Variants in KRT6C observed in about 807,000 individuals in gnomAD.
The protein encoded by KRT6C is keratin, type II cytoskeletal 6C.
KRT6C carries 46 observed loss-of-function variants against 49.4 expected under a neutral mutation model. The ratio of observed to expected loss-of-function variants is 0.93; its 90% confidence interval spans 0.74 to 1.19. The LOEUF is 1.19. Among genes scored for constraint, KRT6C ranks in the 50% most tolerant of loss-of-function variants. KRT6C has a pLI of 0.00. For missense variants in KRT6C, 552 were observed against 737.5 expected (o/e 0.75, Z 2.91); for synonymous variants, 236 against 297.1 (o/e 0.79, Z 2.12).
At chr12:52,470,966 G>A (rs1439272631) in intron 5 of KRT6C, among the ~76,000 whole-genome samples, 166 bp downstream of exon 5, 1 of 152,160 alleles carries the variant, frequency 6.6e-6, no homozygotes, top group Admixed American at 6.5e-5. Context: ...TTTCCTCCTT[G>A]ACTTGCACAT....
chr12:52,469,479 A>G, intron 7 of KRT6C, 34 bp from the exon 8 acceptor site: 2 of 1,613,964 alleles, frequency 1.2e-6, no homozygotes, highest in East Asian at 2.2e-5. Flanking sequence ...GTGAGACCTC[A>G]GAGAGCTCTT....
In KRT6C at chr12:52,468,655, T is replaced by C. The variant is rs544411391; in HGVS notation, c.*407A>G. The C allele has an allele frequency of 3.8e-5, 10 of 261,884 alleles. 1 individual carries two copies. The South Asian group carries it at 5.5e-4, about 14-fold the overall frequency. The allele number at this position is 261,884 out of a possible 1,614,324, so 16.2% of individuals were successfully genotyped here. A position where few individuals can be genotyped will look rare whatever the true frequency, so the allele number is the denominator to read the frequency against. On this transcript the variant is annotated 3_prime_UTR_variant, in exon 9 of 9. Transcript: ENST00000252250. Reference sequence around the variant, plus strand: ...TGCGGGGCGGGGGTTCACAATACTTTTAACTTAGGGAGTTTGGGGGCCAAT... The same window carrying C: ...TGCGGGGCGGGGGTTCACAATACTTCTAACTTAGGGAGTTTGGGGGCCAAT...
rs1565808333 is a variant in KRT6C at position 52,470,519 on chromosome 12, G to A, written c.1189C>T (p.His397Tyr). 6.2e-7 allele frequency: 1 copy of A among 1,614,094 alleles called. No homozygotes were observed. Among genetic ancestry groups the A allele is most frequent in the South Asian group, 1.1e-5 (1 of 91,076 alleles). Residue 397 changes from histidine to tyrosine, a missense_variant, in exon 6 of 9, where the codon CAT (histidine) becomes TAT (tyrosine). His to Tyr is a moderately conservative substitution (Grantham distance 83, BLOSUM62 2). This residue lies in a region of KRT6C where 425 missense variants were observed against 439.4 expected (regional missense o/e 0.97). Transcript: ENST00000252250. Reference sequence around the variant, plus strand: ...CCTCACTGTACCTGCTTCTTGACATGGTCGATCTCAGATCTCAGCCTCTGG... The same window carrying A: ...CCTCACTGTACCTGCTTCTTGACATAGTCGATCTCAGATCTCAGCCTCTGG... ...MIQRLRSEID[H>Y]VKKQCASLQA...
intron 6 of KRT6C, chr12:52,470,292 C>T (rs1001579291): frequency 5.1e-6 from 4 of 782,798 alleles, no homozygotes; most frequent in African/African-American, 1.7e-5. Flanking sequence ...TTTTACCTGA[C>T]TGTTGAGACC....
In KRT6C at chr12:52,473,715, A is replaced by G. The variant is rs1592178914; in HGVS notation, c.23T>C (p.Ile8Thr). Reference sequence around the variant, plus strand: ...CCGGCGGCTGCTGCTGTGGCTCCTGATGGTGGTGGATGTGCTGGCCATGGT... The same window carrying G: ...CCGGCGGCTGCTGCTGTGGCTCCTGGTGGTGGTGGATGTGCTGGCCATGGT... Reference protein sequence around the residue: MASTSTTIRSHSSSRRGF... With the variant: MASTSTTTRSHSSSRRGF... The change falls in exon 1 of 9, where the codon ATC becomes ACC. Residue 8 changes from isoleucine to threonine, a missense_variant. By Grantham distance (89) the Ile-to-Thr change is moderately conservative (BLOSUM62 -1). Around this residue, in one of 3 missense-constraint regions of KRT6C, gnomAD observed 73 missense variants for 102.1 expected, o/e 0.71. Transcript: ENST00000252250. 1 of 1,613,670 alleles carries G rather than the reference A, an allele frequency of 6.2e-7. No individual in the cohort carries two copies. Among genetic ancestry groups the G allele is most frequent in the Non-Finnish European group, 8.5e-7 (1 of 1,179,964 alleles).
At position 52,471,280 on chromosome 12, in the gene KRT6C, T is replaced by G. The variant is rs375785509; in HGVS notation, c.929A>C (p.Gln310Pro). Reference protein sequence around the residue: ...ALYDAELSQMQTHISDTSVVL... With the variant: ...ALYDAELSQMPTHISDTSVVL... ...CACGGATGTGTCTGAGATGTGGGTCTGCATCTGGGACAGCTCCTGCAGAAC... is the reference window on the plus strand; with the variant it reads ...CACGGATGTGTCTGAGATGTGGGTCGGCATCTGGGACAGCTCCTGCAGAAC... The change falls in exon 5 of 9, where the codon CAG (glutamine) becomes CCG (proline). Residue 310 changes from glutamine to proline, a missense_variant. Around this residue, in one of 3 missense-constraint regions of KRT6C, gnomAD observed 425 missense variants for 439.4 expected, o/e 0.97. Coordinates refer to ENST00000252250, the MANE Select transcript of KRT6C (RefSeq NM_173086.5). 1.2e-6 allele frequency: 2 copies of G among 1,614,128 alleles called. No homozygotes were observed. The highest frequency in any genetic ancestry group is 1.7e-6 in the Non-Finnish European group (2 of 1,180,054).
In KRT6C at chr12:52,469,009, T is replaced by C. The variant is rs1937821836; in HGVS notation, c.*53A>G. 1.2e-6 allele frequency: 2 copies of C among 1,612,128 alleles called. No individual in the cohort carries two copies. Among genetic ancestry groups the C allele is most frequent in the Non-Finnish European group, 1.7e-6 (2 of 1,178,582 alleles). On this transcript the variant is annotated 3_prime_UTR_variant, in exon 9 of 9. Coordinates refer to ENST00000252250, the MANE Select transcript of KRT6C (RefSeq NM_173086.5). ...GATAGGCAACCTGAGGAGACGGCTC[T>C]GCAGCCAGAGAAGGGCCTGAGGACT...
intron 6 of KRT6C, 161 bp from the exon 7 acceptor site, chr12:52,470,051 G>A: frequency 8.0e-6 from 7 of 871,174 alleles, no homozygotes; most frequent in Middle Eastern, 3.3e-4. Flanking sequence ...GTCTAGTCTG[G>A]GAGTCAAGTG....
rs1425794986 is a variant in KRT6C at position 52,470,573 on chromosome 12, G to A, written c.1135C>T (p.Gln379Ter). 2.5e-6 allele frequency: 4 copies of A among 1,613,934 alleles called. No individual in the cohort carries two copies. Among genetic ancestry groups the A allele is most frequent in the Non-Finnish European group, 3.4e-6 (4 of 1,180,038 alleles). The change falls in exon 6 of 9, where the codon CAG becomes TAG. Residue 379 changes from glutamine to a stop codon, truncating the protein, a stop_gained. Transcript: ENST00000252250. LOFTEE classifies it high-confidence loss of function. Reference protein sequence around the residue: ...RHGDDLRNTKQEIAEINRMIQ... With the variant: ...RHGDDLRNTK ...ATGCGGTTGATCTCAGCAATCTCCT[G>A]CTTGGTGTTGCGCAGGTCGTCCCCA...
rs1212722837 is a variant in KRT6C, at chr12:52,469,845, C to T, written c.1249G>A (p.Glu417Lys). Residue 417 changes from glutamate (E) to lysine (K), a missense_variant, in exon 7 of 9, where the codon GAG becomes AAG. Around this residue, in one of 3 missense-constraint regions of KRT6C, gnomAD observed 425 missense variants for 439.4 expected, o/e 0.97. Transcript: ENST00000252250. ...TTCTTAGCATCCTTGAGTGCCATCT[C>T]CCCACGCTGCTCAGCATCAGCAATG... ...AAIADAEQRG[E>K]MALKDAKNKL... is the part of the protein sequence containing the mutation. 6.2e-7 allele frequency: 1 copy of T among 1,614,004 alleles called. No individual in the cohort carries two copies. Among genetic ancestry groups the T allele is most frequent in the African/African-American group, 1.3e-5 (1 of 74,908 alleles).
chr12:52,469,473 G>A, intron 7 of KRT6C, 28 bp from the exon 8 acceptor site: 1 of 1,613,962 alleles, frequency 6.2e-7, no homozygotes, highest in South Asian at 1.1e-5. Flanking sequence ...GGGAGGGTGA[G>A]ACCTCAGAGA....
At chr12:52,469,602 A>G in intron 7 of KRT6C, 68 bp downstream of exon 7, 15 of 1,613,750 alleles carry the variant, frequency 9.3e-6, no homozygotes, top group Non-Finnish European at 1.2e-5. Context: ...GCACCCTAGA[A>G]TTGTGCTCAG....
chr12:52,469,269 G>A lies in KRT6C; in HGVS notation c.1488C>T (p.Gly496=), dbSNP rs775304410. ...TGCCGACACCGCTGGCACCGCCATA[G>A]CCACTGGAGATGGTGGACTGTACTA... ...VSVVQSTISS[G]YGGASGVGSG... is the part of the protein sequence containing the mutation. Residue 496 remains glycine (G), a synonymous_variant, in exon 9 of 9, where the codon GGC becomes GGT. Transcript: ENST00000252250. 9 of 1,614,002 alleles carry A rather than the reference G, an allele frequency of 5.6e-6. No homozygotes were observed. The South Asian group carries it at 9.9e-5, about 18-fold the overall frequency.
chr12:52,468,832 G>T lies in KRT6C; in HGVS notation c.*230C>A. 1 of 599,964 alleles carries T rather than the reference G, an allele frequency of 1.7e-6. No individual in the cohort carries two copies. Among genetic ancestry groups the T allele is most frequent in the Non-Finnish European group, 3.0e-6 (1 of 338,596 alleles). The allele number at this position is 599,964 out of a possible 1,614,324, so 37.2% of individuals were successfully genotyped here. On this transcript the variant is annotated 3_prime_UTR_variant, in exon 9 of 9. Transcript: ENST00000252250. ...TTTAGTAACAAAGTGAAGCTCCATT[G>T]GTGAATACATTATGATGTAAAATCA...
Position 52,470,625 on chromosome 12 carries a change from C to G in KRT6C, c.1083G>C (p.Glu361Asp), listed in dbSNP as rs1202208075. 16 of 1,613,964 alleles carry G rather than the reference C, an allele frequency of 9.9e-6. No homozygotes were observed. In the Admixed American group the frequency reaches 2.3e-4, roughly 24 times the overall value. The stretch of plus-strand genomic sequence containing the variant: ...GTCTGCCTGCTGTGACCTGCAGCTC[C>G]TCGTACTGCAGCCCAGAGGTGGAGA... ...EAESWYQTKY[E>D]ELQVTAGRHG... Residue 361 changes from glutamate (E) to aspartate (D), a missense_variant, in exon 6 of 9, where the codon GAG becomes GAC. Glu to Asp is a conservative substitution (Grantham distance 45). Around this residue, in one of 3 missense-constraint regions of KRT6C, gnomAD observed 425 missense variants for 439.4 expected, o/e 0.97. Coordinates refer to ENST00000252250, the MANE Select transcript of KRT6C (RefSeq NM_173086.5).
At chr12:52,469,361 C>G in intron 8 of KRT6C, 50 bp downstream of exon 8, 1 of 1,614,038 alleles carries the variant, frequency 6.2e-7, no homozygotes, top group East Asian at 2.2e-5. Flanking sequence ...GGCCTGAGCC[C>G]AGTCAGAAGA....
rs1339563092 is a variant in KRT6C at position 52,469,995 on chromosome 12, G to A, written c.1204-105C>T. 9.6e-6 allele frequency: 12 copies of A among 1,248,900 alleles called. No individual in the cohort carries two copies. In the Admixed American group the frequency reaches 2.1e-4, roughly 22 times the overall value. The allele number at this position is 1,248,900 out of a possible 1,614,324, so 77.4% of individuals were successfully genotyped here. A position where few individuals can be genotyped will look rare whatever the true frequency, so the allele number is the denominator to read the frequency against. On this transcript the variant is annotated intron_variant, in intron 6 of 8. Coordinates refer to ENST00000252250, the MANE Select transcript of KRT6C (RefSeq NM_173086.5). ...CTGTAACCCAAAATTGACAGAGAAT[G>A]AGCTTTGACTCTTCCTGTCCAGTAT...
At position 52,470,472 on chromosome 12, in the gene KRT6C, G is replaced by A. The variant is rs768301253; in HGVS notation, c.1203+33C>T. On this transcript the variant is annotated intron_variant, in intron 6 of 8. Coordinates refer to ENST00000252250, the MANE Select transcript of KRT6C (RefSeq NM_173086.5). ...CTGCCTGATGGGTCTAGCAAAAAAT[G>A]ATGCTTCTTTCCTCCACTGCACCTC... 6.8e-6 allele frequency: 11 copies of A among 1,614,100 alleles called. 1 individual carries two copies. Among genetic ancestry groups the A allele is most frequent in the Non-Finnish European group, 8.5e-6 (10 of 1,179,982 alleles).
At chr12:52,469,630 A>G in intron 7 of KRT6C, 40 bp downstream of exon 7, 4 of 1,614,114 alleles carry the variant, frequency 2.5e-6, no homozygotes, top group Non-Finnish European at 3.4e-6. Context: ...AACCTTGAAG[A>G]TGGACTCAGC....
Sources: allele counts gnomAD v4.1 joint callset (sites outside exome capture counted in the v4.1 genomes callset), GRCh38; gene constraint gnomAD v4.1.1; regional missense constraint gnomAD v4.1.1; transcripts MANE v1.5; gene names NCBI Gene and HGNC (gene_info 2026-07-23, HGNC 2026-07-21).